Variants in RIPOR2 observed in about 807,000 individuals in gnomAD.
The protein encoded by RIPOR2 is RHO family interacting cell polarization regulator 2.
A neutral mutation model predicts 114.5 loss-of-function variants in RIPOR2; 39 were observed. The ratio of observed to expected loss-of-function variants is 0.34; its 90% CI spans 0.26 to 0.44. The LOEUF is 0.44. RIPOR2 is among the 20% of genes least tolerant of loss of function. RIPOR2 has a pLI of 1.00. For synonymous variants in RIPOR2, 445 were observed against 484.4 expected (o/e 0.92, Z 1.07); for missense variants, 1,007 against 1,255.1 (o/e 0.80, Z 2.99).
chr6:24,879,789 C>G (rs1766181195), intron 1 of RIPOR2, among the ~76,000 whole-genome samples: 1 of 152,226 alleles, frequency 6.6e-6, no homozygotes, highest in African/African-American at 2.4e-5. Context: ...TATCAACTGT[C>G]ATTCTATTGA....
intron 1 of RIPOR2, among the ~76,000 whole-genome samples, chr6:24,980,316 G>A (rs1256047088): frequency 1.3e-5 from 2 of 152,130 alleles, no homozygotes; most frequent in Non-Finnish European, 2.9e-5. Context: ...TATGAGTTGC[G>A]CCTGTTATAG....
chr6:24,949,931 T>C (rs1048271615), intron 1 of RIPOR2, among the ~76,000 whole-genome samples: 3 of 152,210 alleles, frequency 2.0e-5, no homozygotes, highest in African/African-American at 7.2e-5. Flanking sequence ...AGGAGAGTTG[T>C]TAAGTATTGT....
chr6:24,936,978 C>T (rs1771845087), upstream of RIPOR2, among the ~76,000 whole-genome samples: 1 of 152,148 alleles, frequency 6.6e-6, no homozygotes, highest in Admixed American at 6.5e-5. Context: ...GAGAAACTGT[C>T]CCCTCCTCCT....
intron 1 of RIPOR2, among the ~76,000 whole-genome samples, chr6:24,908,198 G>A (rs941135549): frequency 3.9e-5 from 6 of 152,182 alleles, no homozygotes; most frequent in African/African-American, 1.4e-4. Flanking sequence ...CCATTGCCCT[G>A]AGGGGCACCC....
intron 7 of RIPOR2, 90 bp downstream of exon 7, chr6:24,865,211 G>A: frequency 9.2e-7 from 1 of 1,088,058 alleles, no homozygotes; most frequent in Non-Finnish European, 1.3e-6. Flanking sequence ...TGAGGTTGTG[G>A]GTTGCTGTTT....
At chr6:24,946,675 CA>C (rs1772430458) in intron 1 of RIPOR2, among the ~76,000 whole-genome samples, 1 of 152,136 alleles carries the variant, frequency 6.6e-6, no homozygotes, top group African/African-American at 2.4e-5. Flanking sequence ...GGACTGGGAT[CA>C]GGGGGTTCCT....
chr6:24,908,254 C>G (rs1561760980), intron 1 of RIPOR2, among the ~76,000 whole-genome samples: 1 of 152,174 alleles, frequency 6.6e-6, no homozygotes. Context: ...CACTTCCTCC[C>G]AAGAAAAGCA....
In RIPOR2 at chr6:24,966,601, G is replaced by T. The variant is rs1773539949; in HGVS notation, c.76+75250C>A. Reference sequence around the variant, plus strand: ...CATTGTGCAGATATGCAACCAGGAGGTTTTCATTCCAACAATTATGCATGA... The same window carrying T: ...CATTGTGCAGATATGCAACCAGGAGTTTTTCATTCCAACAATTATGCATGA... On this transcript the variant is annotated intron_variant, in intron 1 of 13. Transcript: ENST00000510784. 2.0e-5 allele frequency among the ~76,000 whole-genome samples: 3 copies of T among 152,158 alleles called. No individual in the cohort carries two copies. In the South Asian group the frequency reaches 6.2e-4, roughly 32 times the overall value.
intron 1 of RIPOR2, among the ~76,000 whole-genome samples, chr6:24,966,379 A>C (rs1246575819): frequency 6.6e-6 from 1 of 152,208 alleles, no homozygotes; most frequent in African/African-American, 2.4e-5. Flanking sequence ...ATTGTGTTTC[A>C]TCATTCTTAT....
chr6:24,909,962 C>A (rs1769384007), intron 1 of RIPOR2, among the ~76,000 whole-genome samples: 1 of 152,116 alleles, frequency 6.6e-6, no homozygotes, highest in South Asian at 2.1e-4. Context: ...AGCGCCTCTG[C>A]CACCTTAGCA....
rs1390208499 is a variant in RIPOR2 at position 24,848,064 on chromosome 6, A to G, written c.1125T>C (p.Gly375=). ...CTTTGAAGGTGGGCGTTTCCGGGGT[A>G]CCCTGGCTGTACATGGACATTCTCC... ...LQRRMSMYSQ[G]TPETPTFKDH... is the part of the protein sequence containing the mutation. Residue 375 remains glycine, a synonymous_variant, in exon 12 of 22, where the codon GGT becomes GGC. Transcript: ENST00000643898. 8 of 1,613,960 alleles carry G rather than the reference A, an allele frequency of 5.0e-6. No individual in the cohort carries two copies. Among genetic ancestry groups the G allele is most frequent in the Non-Finnish European group, 5.9e-6 (7 of 1,179,872 alleles).
intron 1 of RIPOR2, among the ~76,000 whole-genome samples, chr6:24,926,699 G>C (rs956225950): frequency 6.6e-6 from 1 of 152,094 alleles, no homozygotes; most frequent in South Asian, 2.1e-4. Context: ...TATAGACTTG[G>C]GGGGCTGAGA....
intron 9 of RIPOR2, among the ~76,000 whole-genome samples, chr6:24,852,256 C>T (rs1380721979): frequency 6.6e-6 from 1 of 151,392 alleles, no homozygotes; most frequent in Non-Finnish European, 1.5e-5. Flanking sequence ...AGCGAGACTC[C>T]ATCTCAAAAT....
At chr6:24,911,321 G>A (rs1392331842) in intron 1 of RIPOR2, among the ~76,000 whole-genome samples, 2 of 152,308 alleles carry the variant, frequency 1.3e-5, no homozygotes, top group South Asian at 2.1e-4. Flanking sequence ...GTGACCCGTG[G>A]AATCGCGCCG....
chr6:24,949,444 GT>G (rs1561801650), intron 1 of RIPOR2, among the ~76,000 whole-genome samples: 1 of 152,204 alleles, frequency 6.6e-6, no homozygotes, highest in African/African-American at 2.4e-5. Flanking sequence ...CAGCAGTAGA[GT>G]CATTAGATTG....
At chr6:25,041,747 G>A (rs918367901) in intron 1 of RIPOR2, 4 of 627,202 alleles carry the variant, frequency 6.4e-6, no homozygotes, top group East Asian at 2.8e-5. Context: ...GAGGAGGAAG[G>A]GGGAAAGATT....
intron 1 of RIPOR2, among the ~76,000 whole-genome samples, chr6:24,916,344 G>C (rs1289985204): frequency 6.6e-6 from 1 of 152,184 alleles, no homozygotes; most frequent in Non-Finnish European, 1.5e-5. Flanking sequence ...CCTGAGTGCA[G>C]ACTCAATCAC....
intron 1 of RIPOR2, among the ~76,000 whole-genome samples, chr6:24,951,540 A>C (rs181562589): frequency 3.3e-5 from 5 of 152,252 alleles, no homozygotes; most frequent in African/African-American, 1.2e-4. Context: ...TATAACAATA[A>C]ATGTTTCTCC....
intron 1 of RIPOR2, among the ~76,000 whole-genome samples, chr6:24,922,950 G>A (rs1254804552): frequency 6.7e-6 from 1 of 149,972 alleles, no homozygotes; most frequent in Non-Finnish European, 1.5e-5. Flanking sequence ...GTAGTGTAAA[G>A]TACATTCATA....
Sources: gnomAD v4.1 joint callset for allele counts (sites outside exome capture counted in the v4.1 genomes callset) on GRCh38, gnomAD v4.1.1 for gene constraint, MANE v1.5 for transcripts, NCBI Gene and HGNC (gene_info 2026-07-23, HGNC 2026-07-21) for gene names.